Variants in FLRT1 observed in about 807,000 individuals in gnomAD.
FLRT1 encodes fibronectin leucine rich transmembrane protein 1.
A neutral mutation model predicts 30.9 loss-of-function variants in FLRT1; 14 were observed. The ratio of observed to expected loss-of-function variants is 0.45; its 90% confidence interval spans 0.30 to 0.71. The LOEUF is 0.71. FLRT1 is among the 30% of genes least tolerant of loss of function. The pLI is 0.08. For synonymous variants in FLRT1, 368 were observed against 430.4 expected (o/e 0.85, Z 1.80); for missense variants, 737 against 949.2 (o/e 0.78, Z 2.94).
intron 1 of FLRT1, among the ~76,000 whole-genome samples, chr11:64,069,489 T>C (rs758286481): frequency 3.3e-5 from 5 of 152,212 alleles, no homozygotes; most frequent in Non-Finnish European, 7.3e-5. Context: ...CTTTAGCCTC[T>C]GGCTCTGGGG....
chr11:64,050,607 G>A (rs183028989), intron 1 of FLRT1, among the ~76,000 whole-genome samples: 3 of 152,302 alleles, frequency 2.0e-5, no homozygotes, highest in Admixed American at 6.5e-5. Flanking sequence ...GCTGTCCAGC[G>A]GTGACCATGA....
At chr11:64,052,219 G>C (rs1158491130) in intron 1 of FLRT1, among the ~76,000 whole-genome samples, 1 of 152,082 alleles carries the variant, frequency 6.6e-6, no homozygotes, top group Non-Finnish European at 1.5e-5. Flanking sequence ...AAATCTAGAA[G>C]GGTGGTAGGA....
intron 1 of FLRT1, among the ~76,000 whole-genome samples, chr11:64,076,130 C>T (rs910685928): frequency 6.6e-6 from 1 of 152,218 alleles, no homozygotes; most frequent in Non-Finnish European, 1.5e-5. Flanking sequence ...CTGCCAGTCA[C>T]CTGCCCCTGC....
intron 1 of FLRT1, among the ~76,000 whole-genome samples, chr11:64,091,122 AG>A (rs1944482653): frequency 1.7e-5 from 1 of 57,906 alleles, no homozygotes; most frequent in Admixed American, 2.5e-4. Flanking sequence ...GAGGGAAGAG[AG>A]GGTGGGGAGG....
In FLRT1 at chr11:64,090,792, G is replaced by A. The variant is rs1944475902; in HGVS notation, c.-1037-12402G>A. 2.6e-5 allele frequency among the ~76,000 whole-genome samples: 4 copies of A among 152,058 alleles called. No individual in the cohort carries two copies. In the South Asian group the frequency reaches 8.3e-4, roughly 32 times the overall value. On this transcript the variant is annotated intron_variant, in intron 1 of 2. Coordinates refer to ENST00000682287, the MANE Select transcript of FLRT1 (RefSeq NM_013280.5). This position sits in a 1 kb window ranked among gnomAD's most constrained non-coding sequence, Gnocchi z 4.7. ...GGCGGCGTCTCTCCACCAGGCACTT[G>A]GGGTTTGTCTCTGGGGCTCTGCAGA...
At chr11:64,062,440 G>A (rs1943922424) in intron 1 of FLRT1, among the ~76,000 whole-genome samples, 1 of 152,150 alleles carries the variant, frequency 6.6e-6, no homozygotes, top group Admixed American at 6.5e-5. Flanking sequence ...ACTGGGCATA[G>A]GCGGAAGGCT....
chr11:64,063,706 C>T (rs191032279), intron 1 of FLRT1, among the ~76,000 whole-genome samples: 62 of 152,284 alleles, frequency 4.1e-4, no homozygotes, highest in African/African-American at 1.4e-3. Context: ...CACACCTCAG[C>T]GGGTGCTGAA....
At chr11:64,038,096 C>T (rs948380093) in intron 1 of FLRT1, among the ~76,000 whole-genome samples, 1 of 152,180 alleles carries the variant, frequency 6.6e-6, no homozygotes, top group Non-Finnish European at 1.5e-5. Context: ...CGCCCTGTGT[C>T]CCCTCCTCCC....
At chr11:64,072,642 CCCCCATGCCCTGGTTATAGGGCTGTTCT>C (rs1183691972) in intron 1 of FLRT1, among the ~76,000 whole-genome samples, 4 of 152,192 alleles carry the variant, frequency 2.6e-5, no homozygotes, top group East Asian at 1.9e-4. Context: ...AGCCCCCTCG[CCCCCATGCCCTGGTTATAGGGCTGTTCT>C]CCCCATGCCC....
intron 2 of FLRT1, 106 bp from the exon 3 acceptor site, chr11:64,116,113 G>A (rs553982800): frequency 6.4e-5 from 78 of 1,212,942 alleles, no homozygotes; most frequent in Non-Finnish European, 8.4e-5. Context: ...ACCGGACTTC[G>A]GTCACCCCTT....
At chr11:64,099,460 G>T (rs1944633233) in intron 1 of FLRT1, among the ~76,000 whole-genome samples, 1 of 152,208 alleles carries the variant, frequency 6.6e-6, no homozygotes, top group Admixed American at 6.5e-5. Flanking sequence ...AAATGGATAG[G>T]TGGAGAGAAA....
Position 64,117,935 on chromosome 11 carries a change from C to G in FLRT1, c.1668C>G (p.Ile556Met). 2 of 1,613,966 alleles carry G rather than the reference C, an allele frequency of 1.2e-6. No individual in the cohort carries two copies. The highest frequency in any genetic ancestry group is 1.7e-6 in the Non-Finnish European group (2 of 1,180,020). Reference sequence around the variant, plus strand: ...TGGCGAGCCTGCCCCTGGCGGGCATCATCGGCGGGGCAGTGGCTCTGGTCT... The same window carrying G: ...TGGCGAGCCTGCCCCTGGCGGGCATGATCGGCGGGGCAGTGGCTCTGGTCT... ...GPMASLPLAG[I>M]IGGAVALVFL... The change falls in exon 3 of 3, where the codon ATC (isoleucine) becomes ATG (methionine). Residue 556 changes from isoleucine (I) to methionine (M), a missense_variant. Ile to Met is a conservative substitution (Grantham distance 10). Transcript: ENST00000682287.
chr11:64,077,103 C>T (rs963465771), intron 1 of FLRT1, among the ~76,000 whole-genome samples: 2 of 152,136 alleles, frequency 1.3e-5, no homozygotes, highest in South Asian at 2.1e-4. Context: ...GCCCAGTGCC[C>T]TCCACCTCAG....
intron 1 of FLRT1, among the ~76,000 whole-genome samples, chr11:64,066,214 G>A (rs1455945900): frequency 7.5e-5 from 11 of 147,350 alleles, no homozygotes; most frequent in Admixed American, 4.8e-4. Flanking sequence ...GGAGAATTGC[G>A]AGAACCTGGG....
At position 64,117,147 on chromosome 11, in the gene FLRT1, C is replaced by A. The variant is rs776473102; in HGVS notation, c.880C>A (p.Arg294Ser). 5 of 1,613,772 alleles carry A rather than the reference C, an allele frequency of 3.1e-6. No homozygotes were observed. Among genetic ancestry groups the A allele is most frequent in the Non-Finnish European group, 4.2e-6 (5 of 1,179,894 alleles). Residue 294 changes from arginine to serine, a missense_variant, in exon 3 of 3, where the codon CGT becomes AGT. Physicochemically the swap from Arg to Ser is moderately radical, Grantham distance 110. Coordinates refer to ENST00000682287, the MANE Select transcript of FLRT1 (RefSeq NM_013280.5). The stretch of plus-strand genomic sequence containing the variant: ...CCCCTACAACACGCTGGCCAAGATG[C>A]GTGAGCTGGAGCGGCTGGACCTGTC... ...HIPYNTLAKMRELERLDLSNN... is the reference protein window; with the variant it reads ...HIPYNTLAKMSELERLDLSNN...
At chr11:64,115,458 G>A (rs912882371) in intron 2 of FLRT1, among the ~76,000 whole-genome samples, 7 of 151,750 alleles carry the variant, frequency 4.6e-5, no homozygotes, top group Non-Finnish European at 1.0e-4. Context: ...CACACAACTC[G>A]GAACCCAGGG....
At chr11:64,056,869 C>T (rs963048331) in intron 1 of FLRT1, among the ~76,000 whole-genome samples, 1 of 152,170 alleles carries the variant, frequency 6.6e-6, no homozygotes, top group Non-Finnish European at 1.5e-5. Flanking sequence ...CATCTACACT[C>T]CCTAGACCCA....
intron 1 of FLRT1, among the ~76,000 whole-genome samples, chr11:64,098,648 A>G (rs918378278): frequency 3.9e-5 from 6 of 152,248 alleles, no homozygotes; most frequent in Admixed American, 3.3e-4. Context: ...TCATCTATAA[A>G]GGTCAGATAC....
At chr11:64,110,463 AG>A (rs1167755911) in intron 2 of FLRT1, among the ~76,000 whole-genome samples, 1 of 151,420 alleles carries the variant, frequency 6.6e-6, no homozygotes, top group African/African-American at 2.4e-5. Context: ...AAAAAAAAAA[AG>A]AAAGAAATCA....
Sources: allele counts gnomAD v4.1 joint callset (sites outside exome capture counted in the v4.1 genomes callset), GRCh38; gene constraint gnomAD v4.1.1; non-coding constraint Gnocchi (gnomAD v3.1); transcripts MANE v1.5; gene names NCBI Gene and HGNC (gene_info 2026-07-23, HGNC 2026-07-21).